DMBT1: variants seen among roughly 807,000 people sequenced by gnomAD.
DMBT1 encodes the protein deleted in malignant brain tumors 1.
In DMBT1, 198 loss-of-function variants were observed where a neutral mutation model predicts 252.9. That is an observed-to-expected ratio of 0.78 (90% CI 0.70 to 0.88). The LOEUF (loss-of-function observed/expected upper bound fraction) is 0.88. Among genes scored for constraint, DMBT1 ranks in the 40% least tolerant of loss-of-function variants. The pLI is 0.00. For synonymous variants in DMBT1, 990 were observed against 942.7 expected (o/e 1.05, Z -0.92); for missense variants, 2,432 against 2,404.7 (o/e 1.01, Z -0.24).
chr10:122,567,711 C>CGTCGG (rs2097610352), intron 2 of DMBT1, among the ~76,000 whole-genome samples: 1 of 152,136 alleles, frequency 6.6e-6, no homozygotes, highest in African/African-American at 2.4e-5. Context: ...AGTGGCATCA[C>CGTCGG]GTCGGGCAGG....
intron 52 of DMBT1, among the ~76,000 whole-genome samples, chr10:122,635,388 C>T (rs778160621): frequency 2.6e-5 from 4 of 152,064 alleles, no homozygotes; most frequent in Non-Finnish European, 5.9e-5. Flanking sequence ...AATCAGGATG[C>T]GAGCCCTTCC....
At chr10:122,580,226 C>G (rs939379725) in intron 10 of DMBT1, among the ~76,000 whole-genome samples, 1 of 152,182 alleles carries the variant, frequency 6.6e-6, no homozygotes, top group Non-Finnish European at 1.5e-5. Flanking sequence ...ATGGATGCAG[C>G]ACAGACAGCA....
rs1441044379 is a variant in DMBT1, at chr10:122,625,929, C to T, written c.5636-4C>T. 6.2e-7 allele frequency: 1 copy of T among 1,607,144 alleles called. No individual in the cohort carries two copies. The highest frequency in any genetic ancestry group is 8.5e-7 in the Non-Finnish European group (1 of 1,174,280). ...ATCCTAAACAGCTTCATTTTTTTTT[C>T]TAGATTGGTGGCATCCAACAACTAC... On this transcript the variant is annotated splice_region_variant and splice_polypyrimidine_tract_variant and intron_variant, in intron 45 of 55. Coordinates refer to ENST00000338354, the MANE Select transcript of DMBT1 (RefSeq NM_001377530.1).
At chr10:122,593,180 G>A (rs2133592578) in intron 20 of DMBT1, among the ~76,000 whole-genome samples, 1 of 149,052 alleles carries the variant, frequency 6.7e-6, no homozygotes, top group Non-Finnish European at 1.5e-5. Context: ...GGGGAGGGCA[G>A]CCCCCATGAG....
At position 122,636,043 on chromosome 10, in the gene DMBT1, C is replaced by T. The variant is rs374738106; in HGVS notation, c.6601C>T (p.Arg2201Cys). 55 of 1,613,870 alleles carry T rather than the reference C, an allele frequency of 3.4e-5. No individual in the cohort carries two copies. Among genetic ancestry groups the T allele is most frequent in the Non-Finnish European group, 4.0e-5 (47 of 1,179,884 alleles). ...DYIEVFDGPYRSSPLIARVCD... is the reference protein window; with the variant it reads ...DYIEVFDGPYCSSPLIARVCD... ...TATTGAAGTTTTCGATGGCCCCTAC[C>T]GCAGTTCCCCTCTCATTGCTCGAGT... The change falls in exon 53 of 56, where the codon CGC (arginine) becomes TGC (cysteine). Residue 2201 changes from arginine to cysteine, a missense_variant. Around this residue, in one of 3 missense-constraint regions of DMBT1, gnomAD observed 1,162 missense variants for 1,169.0 expected, o/e 0.99. Coordinates refer to ENST00000338354, the MANE Select transcript of DMBT1 (RefSeq NM_001377530.1).
chr10:122,620,349 C>G, intron 43 of DMBT1, 58 bp downstream of exon 43: 1 of 1,583,772 alleles, frequency 6.3e-7, no homozygotes, highest in East Asian at 2.2e-5. Flanking sequence ...ACAAACGTTT[C>G]TTTTGAAAAT....
rs752790595 is a variant in DMBT1 at position 122,621,090 on chromosome 10, A to G, written c.5318A>G (p.Asn1773Ser). Residue 1773 changes from asparagine to serine, a missense_variant, in exon 44 of 56, where the codon AAT becomes AGT. Asn to Ser is a conservative substitution (Grantham distance 46). Coordinates refer to ENST00000338354, the MANE Select transcript of DMBT1 (RefSeq NM_001377530.1). ...SESSLALRLV[N>S]GGDRCRGRVE... ...TCCAGTTTGGCTCTGAGGCTGGTGA[A>G]TGGAGGTGACAGGTGTCGAGGCCGA... 10 of 1,613,494 alleles carry G rather than the reference A, an allele frequency of 6.2e-6. No homozygotes were observed. The highest frequency in any genetic ancestry group is 5.9e-6 in the Non-Finnish European group (7 of 1,179,724).
rs934864434 is a variant in DMBT1, at chr10:122,640,144, G to A, written c.7047G>A (p.Met2349Ile). The A allele has an allele frequency of 8.7e-6, 14 of 1,613,932 alleles. No homozygotes were observed. Among genetic ancestry groups the A allele is most frequent in the Non-Finnish European group, 1.1e-5 (13 of 1,179,910 alleles). ...TCCGTATTCACGTCAGCTGCAGAAT[G>A]CTTCAGAACACCTGGGTCGACACCA... ...TDLRIHVSCR[M>I]LQNTWVDTMY... is the part of the protein sequence containing the mutation. Residue 2349 changes from methionine (M) to isoleucine (I), a missense_variant, in exon 55 of 56, where the codon ATG (methionine) becomes ATA (isoleucine). Met to Ile is a conservative substitution (Grantham distance 10). This residue lies in a region of DMBT1 where 1,162 missense variants were observed against 1,169.0 expected (regional missense o/e 0.99). Coordinates refer to ENST00000338354, the MANE Select transcript of DMBT1 (RefSeq NM_001377530.1).
In DMBT1 at chr10:122,598,968, G is replaced by A. The variant is rs1257343595; in HGVS notation, c.3151G>A (p.Gly1051Ser). 3.1e-6 allele frequency: 5 copies of A among 1,613,768 alleles called. No individual in the cohort carries two copies. The highest frequency in any genetic ancestry group is 3.3e-5 in the Admixed American group (2 of 60,014). ...CCCAGGAAATGCCCGGTTTGGTCAG[G>A]GCTCAGGACCCATTGTCCTGGATGA... ...SAPGNARFGQ[G>S]SGPIVLDDVR... Residue 1051 changes from glycine (G) to serine (S), a missense_variant, in exon 26 of 56, where the codon GGC (glycine) becomes AGC (serine). Around this residue, in one of 3 missense-constraint regions of DMBT1, gnomAD observed 1,264 missense variants for 1,082.2 expected, o/e 1.17. Transcript: ENST00000338354.
intron 20 of DMBT1, among the ~76,000 whole-genome samples, chr10:122,592,960 C>T (rs72836131): frequency 0.019 from 2,883 of 148,810 alleles, 302 homozygotes; most frequent in South Asian, 0.045. Flanking sequence ...GAGGAATCCT[C>T]TCACTGAGAG....
At chr10:122,599,217 A>G in intron 26 of DMBT1, 120 bp downstream of exon 26, 2 of 1,532,526 alleles carry the variant, frequency 1.3e-6, no homozygotes, top group Non-Finnish European at 8.8e-7. Flanking sequence ...ATTTCTGAAG[A>G]CTTGTTAGCT....
chr10:122,578,228 T>G (rs1474159126), intron 8 of DMBT1, among the ~76,000 whole-genome samples: 1 of 152,120 alleles, frequency 6.6e-6, no homozygotes, highest in African/African-American at 2.4e-5. Context: ...CCCCCATCTC[T>G]CACTACTTGA....
At chr10:122,577,551 G>A (rs537822422) in intron 7 of DMBT1, among the ~76,000 whole-genome samples, 12 of 152,294 alleles carry the variant, frequency 7.9e-5, no homozygotes, top group Admixed American at 2.6e-4. Flanking sequence ...TGTTGATACC[G>A]AGGTTGTTGT....
chr10:122,581,467 C>T (rs183847663), intron 11 of DMBT1, among the ~76,000 whole-genome samples: 25 of 149,820 alleles, frequency 1.7e-4, no homozygotes, highest in Admixed American at 4.6e-4. Flanking sequence ...TTTTACCTGG[C>T]AGTGTCCGAG....
chr10:122,577,960 C>A, intron 8 of DMBT1, 120 bp downstream of exon 8: 2 of 1,123,946 alleles, frequency 1.8e-6, no homozygotes, highest in Non-Finnish European at 2.6e-6. Flanking sequence ...ATTTCACCCC[C>A]AACTCTGTAA....
chr10:122,642,113 C>T (rs1046152372), intron 55 of DMBT1, among the ~76,000 whole-genome samples: 1 of 151,984 alleles, frequency 6.6e-6, no homozygotes, highest in African/African-American at 2.4e-5. Context: ...CCCAAGTGTC[C>T]CACCTCTGAA....
intron 48 of DMBT1, 149 bp from the exon 49 acceptor site, chr10:122,630,812 G>A (rs767306669): frequency 7.0e-6 from 6 of 852,292 alleles, no homozygotes; most frequent in Non-Finnish European, 1.1e-5. Context: ...GCATGGAGCG[G>A]TCCAGTACCT....
At chr10:122,571,797 A>G (rs1175235188) in intron 4 of DMBT1, among the ~76,000 whole-genome samples, 1 of 152,168 alleles carries the variant, frequency 6.6e-6, no homozygotes, top group Non-Finnish European at 1.5e-5. Flanking sequence ...TGTGCCCTTG[A>G]TAACCCAATC....
At chr10:122,630,746 C>T (rs571071994) in intron 48 of DMBT1, among the ~76,000 whole-genome samples, 1 of 152,322 alleles carries the variant, frequency 6.6e-6, no homozygotes, top group South Asian at 2.1e-4. Context: ...CCACCCCTCT[C>T]CGTCTGGAGG....
Sources: gnomAD v4.1 joint callset for allele counts (sites outside exome capture counted in the v4.1 genomes callset) on GRCh38, gnomAD v4.1.1 for gene constraint, gnomAD v4.1.1 regional missense constraint, MANE v1.5 for transcripts, NCBI Gene and HGNC (gene_info 2026-07-23, HGNC 2026-07-21) for gene names.